Variants in ENOX1 observed in about 807,000 individuals in gnomAD.
ENOX1 encodes the protein candidate growth-related and time keeping constitutive hydroquinone (NADH) oxidase.
Under a neutral mutation model 82.5 loss-of-function variants are expected in ENOX1, and 42 were observed. The observed-to-expected ratio is 0.51, with a 90% CI of 0.40 to 0.66. ENOX1 has a LOEUF of 0.66. Among genes scored for constraint, ENOX1 ranks in the 30% least tolerant of loss-of-function variants. The probability of loss-of-function intolerance (pLI) is 0.00; values close to 1 mark genes in which losing one functional copy is unlikely to be tolerated. For synonymous variants in ENOX1, 271 were observed against 282.2 expected (o/e 0.96, Z 0.40); for missense variants, 608 against 811.6 (o/e 0.75, Z 3.05).
chr13:43,707,729 C>G (rs570730081), intron 1 of ENOX1, among the ~76,000 whole-genome samples: 2 of 46,348 alleles, frequency 4.3e-5, no homozygotes, highest in South Asian at 1.2e-3. Flanking sequence ...AAGACTCTGT[C>G]TCAAAAAAAA....
intron 2 of ENOX1, among the ~76,000 whole-genome samples, chr13:43,563,654 G>A (rs2079785749): frequency 1.3e-5 from 2 of 151,930 alleles, no homozygotes; most frequent in African/African-American, 2.4e-5. Context: ...GAAAAACAGG[G>A]AAAGACCCAG....
intron 5 of ENOX1, among the ~76,000 whole-genome samples, chr13:43,405,663 T>C (rs1275487776): frequency 6.6e-6 from 1 of 152,210 alleles, no homozygotes; most frequent in East Asian, 1.9e-4. Flanking sequence ...ATTCCTGTGG[T>C]TTCTACAATG....
intron 1 of ENOX1, among the ~76,000 whole-genome samples, chr13:43,785,966 C>T (rs144916043): frequency 0.019 from 2,817 of 151,986 alleles, 65 homozygotes; most frequent in South Asian, 0.058. Flanking sequence ...GGGCTCTGCA[C>T]CCTGGCAGCG....
intron 2 of ENOX1, among the ~76,000 whole-genome samples, chr13:43,596,871 G>A (rs2081497603): frequency 6.6e-6 from 1 of 152,200 alleles, no homozygotes. Context: ...CTAGGCAACA[G>A]GAATGTAATG....
At chr13:43,257,308 A>C (rs1287731669) in intron 14 of ENOX1, among the ~76,000 whole-genome samples, 1 of 152,202 alleles carries the variant, frequency 6.6e-6, no homozygotes, top group Admixed American at 6.5e-5. Context: ...GTGTTCATAG[A>C]ATAAAGAAAA....
At chr13:43,541,433 C>A (rs11841690) in intron 2 of ENOX1, among the ~76,000 whole-genome samples, 4,414 of 151,948 alleles carry the variant, frequency 0.029, 191 homozygotes, top group African/African-American at 0.096. Context: ...GCCAGCAATT[C>A]GAGGCTGCAG....
intron 1 of ENOX1, among the ~76,000 whole-genome samples, chr13:43,756,549 C>A (rs1051962253): frequency 6.8e-6 from 1 of 147,454 alleles, no homozygotes; most frequent in Non-Finnish European, 1.5e-5. Context: ...GGAGGGGAGG[C>A]AGAGAGAGAG....
At chr13:43,782,995 G>C (rs977460750) in intron 1 of ENOX1, among the ~76,000 whole-genome samples, 1 of 152,182 alleles carries the variant, frequency 6.6e-6, no homozygotes, top group African/African-American at 2.4e-5. Context: ...AAAGAGCCCA[G>C]ATCACTACAC....
intron 2 of ENOX1, among the ~76,000 whole-genome samples, chr13:43,560,261 T>C (rs1348631948): frequency 6.6e-6 from 1 of 152,200 alleles, no homozygotes; most frequent in African/African-American, 2.4e-5. Flanking sequence ...ATTGGTATGC[T>C]TTTAGGTTAC....
At chr13:43,616,200 A>AGATATCTATC (rs2082460985) in intron 2 of ENOX1, among the ~76,000 whole-genome samples, 1 of 19,084 alleles carries the variant, frequency 5.2e-5, no homozygotes, top group African/African-American at 6.9e-5. Context: ...ATATATATAT[A>AGATATCTATC]TATATTTTTT....
intron 3 of ENOX1, among the ~76,000 whole-genome samples, chr13:43,455,522 T>C (rs996938685): frequency 3.3e-5 from 5 of 152,208 alleles, no homozygotes; most frequent in African/African-American, 1.2e-4. Flanking sequence ...TTAGTACTTG[T>C]CTCTGAATCA....
At chr13:43,582,605 ACTCT>A (rs1405252195) in intron 2 of ENOX1, among the ~76,000 whole-genome samples, 1 of 151,890 alleles carries the variant, frequency 6.6e-6, no homozygotes, top group Non-Finnish European at 1.5e-5. Context: ...ACAGGGTCTC[ACTCT>A]GTCACCCAGG....
intron 1 of ENOX1, among the ~76,000 whole-genome samples, chr13:43,720,188 A>G (rs2088474782): frequency 2.0e-5 from 3 of 152,230 alleles, no homozygotes; most frequent in Admixed American, 1.3e-4. Flanking sequence ...TGCAATATAA[A>G]TAAGAAAGCA....
At chr13:43,732,450 G>A (rs4941470) in intron 1 of ENOX1, among the ~76,000 whole-genome samples, 137,279 of 152,204 alleles carry the variant, frequency 0.9, 62,381 homozygotes, top group Non-Finnish European at 0.97. Context: ...CCTAGAATGT[G>A]TTTCCATTCT....
chr13:43,572,723 G>A (rs986443289), intron 2 of ENOX1, among the ~76,000 whole-genome samples: 1 of 152,244 alleles, frequency 6.6e-6, no homozygotes, highest in Non-Finnish European at 1.5e-5. Context: ...TGTGTTCTGT[G>A]CAGTGCATCA....
intron 2 of ENOX1, among the ~76,000 whole-genome samples, chr13:43,576,862 C>T (rs2080449872): frequency 6.6e-6 from 1 of 152,206 alleles, no homozygotes; most frequent in African/African-American, 2.4e-5. Context: ...CCATGTTCTG[C>T]ACCCAGCATG....
chr13:43,477,183 T>C (rs2058322756), intron 3 of ENOX1, among the ~76,000 whole-genome samples: 1 of 150,556 alleles, frequency 6.6e-6, no homozygotes, highest in African/African-American at 2.4e-5. Flanking sequence ...ATATATATAG[T>C]ATACACACAT....
At chr13:43,585,722 C>T (rs928167794) in intron 2 of ENOX1, among the ~76,000 whole-genome samples, 1 of 152,186 alleles carries the variant, frequency 6.6e-6, no homozygotes, top group South Asian at 2.1e-4. Flanking sequence ...GGATTACAGG[C>T]TCCTGCCACC....
chr13:43,241,023 GC>G (rs1243721278), intron 14 of ENOX1, among the ~76,000 whole-genome samples: 1 of 152,074 alleles, frequency 6.6e-6, no homozygotes, highest in Non-Finnish European at 1.5e-5. Context: ...GACTGGTGAA[GC>G]CAAAATTCTT....
Sources: allele counts gnomAD v4.1 joint callset (sites outside exome capture counted in the v4.1 genomes callset), GRCh38; gene constraint gnomAD v4.1.1; transcripts MANE v1.5; gene names NCBI Gene and HGNC (gene_info 2026-07-23, HGNC 2026-07-21).